The following TFDP2 variants were observed in gnomAD, a reference collection of about 807,000 sequenced individuals.
TFDP2 encodes transcription factor Dp-2.
A neutral mutation model predicts 59.3 loss-of-function variants in TFDP2; 17 were observed. The observed-to-expected ratio is 0.29, with a 90% CI of 0.20 to 0.43. The LOEUF (loss-of-function observed/expected upper bound fraction) is 0.43, where lower values mean the gene tolerates loss of function less well. Among genes scored for constraint, TFDP2 ranks in the 20% least tolerant of loss-of-function variants. The probability of loss-of-function intolerance (pLI) is 1.00; values close to 1 mark genes in which losing one functional copy is unlikely to be tolerated. For missense variants in TFDP2, 391 were observed against 528.8 expected (o/e 0.74, Z 2.56); for synonymous variants, 180 against 194.7 (o/e 0.92, Z 0.63).
At chr3:142,128,645 A>C (rs1344693190) in intron 1 of TFDP2, among the ~76,000 whole-genome samples, 1 of 152,256 alleles carries the variant, frequency 6.6e-6, no homozygotes, top group East Asian at 1.9e-4. Context: ...AAATTAACAG[A>C]CAAAATAGAA....
chr3:142,079,201 G>T (rs1576925626), intron 3 of TFDP2, among the ~76,000 whole-genome samples: 1 of 152,056 alleles, frequency 6.6e-6, no homozygotes, highest in East Asian at 1.9e-4. Flanking sequence ...TACTCAGAAG[G>T]CTGAGGCAGT....
chr3:141,983,117 A>T (rs1476211076), intron 6 of TFDP2, among the ~76,000 whole-genome samples: 1 of 152,234 alleles, frequency 6.6e-6, no homozygotes, highest in Non-Finnish European at 1.5e-5. Flanking sequence ...ATTATTTGGA[A>T]GGTTAATAGA....
At chr3:142,048,988 T>C (rs1947479199) in intron 3 of TFDP2, among the ~76,000 whole-genome samples, 1 of 152,204 alleles carries the variant, frequency 6.6e-6, no homozygotes, top group African/African-American at 2.4e-5. Flanking sequence ...CTGAGGATTA[T>C]ATGAAATAAC....
intron 1 of TFDP2, among the ~76,000 whole-genome samples, chr3:142,129,502 CAG>C (rs1171013317): frequency 6.6e-6 from 1 of 151,868 alleles, no homozygotes; most frequent in Non-Finnish European, 1.5e-5. Context: ...ACAGTATTAA[CAG>C]AGTAAAAATG....
chr3:142,141,045 CTTTG>C (rs1245083056), intron 1 of TFDP2, among the ~76,000 whole-genome samples: 2 of 152,188 alleles, frequency 1.3e-5, no homozygotes, highest in African/African-American at 2.4e-5. Flanking sequence ...TTCCTGGCCG[CTTTG>C]TTTACCTACT....
chr3:142,132,763 A>G (rs2062565556), intron 1 of TFDP2, among the ~76,000 whole-genome samples: 1 of 147,644 alleles, frequency 6.8e-6, no homozygotes, highest in South Asian at 2.1e-4. Flanking sequence ...AAAAAAAAGG[A>G]TATTATGACA....
intron 3 of TFDP2, among the ~76,000 whole-genome samples, chr3:142,018,106 C>A (rs1260092202): frequency 6.6e-6 from 1 of 152,080 alleles, no homozygotes; most frequent in Non-Finnish European, 1.5e-5. Context: ...CCACGCTTGG[C>A]TAATTTTTAT....
chr3:142,019,652 C>CCG (rs1284640268), intron 3 of TFDP2, among the ~76,000 whole-genome samples: 1 of 150,618 alleles, frequency 6.6e-6, no homozygotes, highest in Non-Finnish European at 1.5e-5. Context: ...TAAACACCCC[C>CCG]CCCAACATCT....
At chr3:142,073,940 C>T (rs1452205854) in intron 3 of TFDP2, among the ~76,000 whole-genome samples, 1 of 152,176 alleles carries the variant, frequency 6.6e-6, no homozygotes, top group African/African-American at 2.4e-5. Flanking sequence ...AATAGAAAAG[C>T]TGATCCCCAA....
At chr3:142,096,082 A>C (rs1301214282) in intron 2 of TFDP2, among the ~76,000 whole-genome samples, 1 of 152,170 alleles carries the variant, frequency 6.6e-6, no homozygotes, top group African/African-American at 2.4e-5. Flanking sequence ...CAGCCAACGA[A>C]TGTGGAAACT....
intron 3 of TFDP2, among the ~76,000 whole-genome samples, chr3:142,020,845 TGTA>T (rs1945531288): frequency 6.6e-6 from 1 of 151,774 alleles, no homozygotes; most frequent in African/African-American, 2.4e-5. Flanking sequence ...ATTACCCAGG[TGTA>T]GTGACACACA....
At chr3:142,139,044 T>C (rs1468372327) in intron 1 of TFDP2, among the ~76,000 whole-genome samples, 1 of 152,240 alleles carries the variant, frequency 6.6e-6, no homozygotes, top group Non-Finnish European at 1.5e-5. Flanking sequence ...TGAATCTGGG[T>C]GCTCCTATAT....
At chr3:142,002,850 G>T (rs1943910420) in intron 4 of TFDP2, among the ~76,000 whole-genome samples, 2 of 152,126 alleles carry the variant, frequency 1.3e-5, no homozygotes, top group Admixed American at 1.3e-4. Context: ...ATTTATAAAT[G>T]ATAGAAATGT....
At chr3:142,125,580 C>T (rs559570314) in intron 1 of TFDP2, among the ~76,000 whole-genome samples, 25 of 151,884 alleles carry the variant, frequency 1.6e-4, no homozygotes, top group Admixed American at 1.4e-3. Context: ...CCCATAACTG[C>T]GTATCAATAG....
intron 3 of TFDP2, among the ~76,000 whole-genome samples, chr3:142,049,617 A>G (rs945246836): frequency 6.6e-6 from 1 of 151,516 alleles, no homozygotes; most frequent in Non-Finnish European, 1.5e-5. Flanking sequence ...TAGCCAGTGT[A>G]ATAAAGGAAA....
At chr3:142,120,340 C>T (rs551070674) in intron 1 of TFDP2, among the ~76,000 whole-genome samples, 29 of 151,990 alleles carry the variant, frequency 1.9e-4, no homozygotes, top group African/African-American at 5.8e-4. Flanking sequence ...CCAACCTGGG[C>T]GACAGAGCCA....
chr3:141,995,523 A>T (rs533278444), intron 4 of TFDP2, among the ~76,000 whole-genome samples: 12 of 152,350 alleles, frequency 7.9e-5, no homozygotes, highest in African/African-American at 2.9e-4. Context: ...TCCACAGTCC[A>T]TCATACAGTA....
Position 142,100,561 on chromosome 3 carries a change from C to T in TFDP2, c.15+1174G>A, listed in dbSNP as rs562890639. ...CTACTTTTTGTATTTTTAGTAGAGA[C>T]GGGGTTTCACCATGTTGGCCAGGCT... is the stretch of plus-strand genomic sequence containing the variant. On this transcript the variant is annotated intron_variant, in intron 2 of 12. Transcript: ENST00000489671. Among the ~76,000 whole-genome samples the T allele has an allele frequency of 6.1e-3, 926 of 152,094 alleles. 4 individuals are homozygous for T. Among genetic ancestry groups the T allele is most frequent in the Non-Finnish European group, 8.3e-3 (565 of 67,968 alleles).
chr3:142,132,030 CA>C (rs1455864361), intron 1 of TFDP2, among the ~76,000 whole-genome samples: 1 of 135,560 alleles, frequency 7.4e-6, no homozygotes, highest in Non-Finnish European at 1.6e-5. Context: ...AAAGTCTAAA[CA>C]AAACCTTGTA....
Sources: allele counts gnomAD v4.1 joint callset (sites outside exome capture counted in the v4.1 genomes callset), GRCh38; gene constraint gnomAD v4.1.1; transcripts MANE v1.5; gene names NCBI Gene and HGNC (gene_info 2026-07-23, HGNC 2026-07-21).